The following SLC39A11 variants were observed in gnomAD, a reference collection of about 807,000 sequenced individuals.
The protein encoded by SLC39A11 is zinc transporter ZIP11.
Under a neutral mutation model 36.1 loss-of-function variants are expected in SLC39A11, and 33 were observed. The ratio of observed to expected loss-of-function variants is 0.91; its 90% CI spans 0.69 to 1.22. The LOEUF is 1.22. Ranked by LOEUF, SLC39A11 falls within the 50% of genes most tolerant of loss-of-function variation. The probability of loss-of-function intolerance (pLI) is 0.00; values close to 1 mark genes in which losing one functional copy is unlikely to be tolerated. For synonymous variants in SLC39A11, 166 were observed against 170.3 expected, an observed-to-expected ratio of 0.97 and a Z score of 0.20; for missense variants, 432 against 430.3, an observed-to-expected ratio of 1.00 and a Z score of -0.03.
At chr17:72,931,296 A>C (rs1052937295) in intron 5 of SLC39A11, among the ~76,000 whole-genome samples, 1 of 152,214 alleles carries the variant, frequency 6.6e-6, no homozygotes, top group Non-Finnish European at 1.5e-5. Flanking sequence ...GTCGAGAAGT[A>C]CTGGTGGACT....
chr17:72,716,084 C>G (rs942243021), intron 7 of SLC39A11, among the ~76,000 whole-genome samples: 31 of 152,134 alleles, frequency 2.0e-4, no homozygotes, highest in African/African-American at 7.5e-4. Context: ...TCGTTCTCCT[C>G]GCACCCTCCC....
At chr17:72,960,479 A>C (rs1342030276) in intron 4 of SLC39A11, among the ~76,000 whole-genome samples, 2 of 151,972 alleles carry the variant, frequency 1.3e-5, no homozygotes, top group Non-Finnish European at 2.9e-5. Context: ...AAAAACCAAG[A>C]AGGTAATTTT....
At chr17:72,824,658 G>T (rs2077938181) in intron 6 of SLC39A11, among the ~76,000 whole-genome samples, 1 of 151,326 alleles carries the variant, frequency 6.6e-6, no homozygotes, top group Non-Finnish European at 1.5e-5. Flanking sequence ...GGACAATGAA[G>T]TCCAGGCTGA....
intron 4 of SLC39A11, among the ~76,000 whole-genome samples, chr17:72,954,986 C>T (rs545216610): frequency 2.2e-4 from 33 of 152,290 alleles, no homozygotes; most frequent in African/African-American, 6.0e-4. Context: ...AGGAGGATGA[C>T]GGTTTAAGTA....
intron 5 of SLC39A11, among the ~76,000 whole-genome samples, chr17:72,910,024 T>A (rs1483926675): frequency 3.3e-5 from 5 of 152,140 alleles, no homozygotes; most frequent in African/African-American, 1.2e-4. Flanking sequence ...AGTGTTGGGA[T>A]TACAGGTGTG....
chr17:73,044,710 C>CA (rs558319129), intron 3 of SLC39A11, among the ~76,000 whole-genome samples: 169 of 151,912 alleles, frequency 1.1e-3, no homozygotes, highest in African/African-American at 3.4e-3. Context: ...CTCACCTCTA[C>CA]AAAAAATACA....
chr17:72,871,946 C>T (rs1598209810), intron 5 of SLC39A11, among the ~76,000 whole-genome samples: 1 of 152,148 alleles, frequency 6.6e-6, no homozygotes, highest in South Asian at 2.1e-4. Flanking sequence ...TCTCCAGGTA[C>T]ACAGTGGCAG....
intron 4 of SLC39A11, among the ~76,000 whole-genome samples, chr17:73,011,644 C>T (rs2090522128): frequency 1.4e-5 from 2 of 144,756 alleles, no homozygotes; most frequent in African/African-American, 4.9e-5. Context: ...TTAATTGTAC[C>T]TCTGGTTTTC....
rs112360074 is a variant in SLC39A11 at position 72,692,014 on chromosome 17, A to ATT, written c.672-42748_672-42747dup. 4.1e-3 allele frequency among the ~76,000 whole-genome samples: 586 copies of ATT among 144,620 alleles called. 1 individual carries two copies. Among genetic ancestry groups the ATT allele is most frequent in the African/African-American group, 0.011 (448 of 39,246 alleles). 94.9% of individuals were successfully genotyped at this position (144,620 alleles called of 152,430 possible). A position where few individuals can be genotyped will look rare whatever the true frequency, so the allele number is the denominator to read the frequency against. ...TCCCCCACCTACCTCAAAGTAGTGG[A>ATT]TTTTTTTTTTTTTTGAGGCGGAGTC... On this transcript the variant is annotated intron_variant, in intron 7 of 9. Coordinates refer to ENST00000255559, the MANE Select transcript of SLC39A11 (RefSeq NM_139177.4).
chr17:72,656,228 TG>T (rs1280395693), intron 7 of SLC39A11, among the ~76,000 whole-genome samples: 1 of 152,188 alleles, frequency 6.6e-6, no homozygotes, highest in African/African-American at 2.4e-5. Flanking sequence ...TGCTGTCTTC[TG>T]GGTTCTGTTC....
intron 6 of SLC39A11, among the ~76,000 whole-genome samples, chr17:72,780,516 A>T (rs530386627): frequency 4.9e-5 from 1 of 20,260 alleles, no homozygotes; most frequent in Non-Finnish European, 1.1e-4. Context: ...AAGGGCCCTG[A>T]AGATGGGGGG....
chr17:72,692,346 A>G (rs564922182), intron 7 of SLC39A11, among the ~76,000 whole-genome samples: 2 of 152,314 alleles, frequency 1.3e-5, no homozygotes, highest in Non-Finnish European at 1.5e-5. Context: ...CTCAAATCCT[A>G]CAATGATGAG....
In SLC39A11 at chr17:72,914,320, G is replaced by GGA. The variant is rs1555629381; in HGVS notation, c.430+33431_430+33432insTC. ...GACAGAGCGAGACTCCATCTCGGGG[G>GGA]AAAAAAAAAAGAAAAAAGAATACAA... On this transcript the variant is annotated intron_variant, in intron 5 of 9. Coordinates refer to ENST00000255559, the MANE Select transcript of SLC39A11 (RefSeq NM_139177.4). Among the ~76,000 whole-genome samples, 196 of 141,488 alleles carry GGA rather than the reference G, an allele frequency of 1.4e-3. No individual in the cohort carries two copies. The East Asian group carries it at 0.023, about 17-fold the overall frequency. 92.8% of individuals were successfully genotyped at this position (141,488 alleles called of 152,430 possible).
intron 7 of SLC39A11, among the ~76,000 whole-genome samples, chr17:72,661,545 T>A (rs931170338): frequency 1.3e-5 from 2 of 152,188 alleles, no homozygotes; most frequent in African/African-American, 4.8e-5. Flanking sequence ...CCTTACATAC[T>A]GTTTTGATTG....
At chr17:72,917,957 G>C (rs2083427028) in intron 5 of SLC39A11, among the ~76,000 whole-genome samples, 1 of 152,212 alleles carries the variant, frequency 6.6e-6, no homozygotes, top group Non-Finnish European at 1.5e-5. Context: ...TGAAACTAAT[G>C]GGATCCAAAG....
chr17:72,889,248 C>G (rs568463839), intron 5 of SLC39A11, among the ~76,000 whole-genome samples: 23 of 152,134 alleles, frequency 1.5e-4, no homozygotes, highest in Non-Finnish European at 2.6e-4. Context: ...GATGCAGTGG[C>G]TCACGCCTGT....
intron 4 of SLC39A11, among the ~76,000 whole-genome samples, chr17:72,994,827 T>C (rs2089407129): frequency 6.6e-6 from 1 of 152,226 alleles, no homozygotes; most frequent in African/African-American, 2.4e-5. Context: ...GGGTTCTTGA[T>C]GCTTTTAGCT....
intron 7 of SLC39A11, among the ~76,000 whole-genome samples, chr17:72,708,174 G>A (rs1362749663): frequency 6.6e-6 from 1 of 152,190 alleles, no homozygotes; most frequent in Non-Finnish European, 1.5e-5. Context: ...GCCAGGAGGT[G>A]CCCAGATATT....
intron 7 of SLC39A11, among the ~76,000 whole-genome samples, chr17:72,674,875 A>G (rs2071184813): frequency 6.6e-6 from 1 of 152,102 alleles, no homozygotes; most frequent in Admixed American, 6.5e-5. Context: ...TCTTTCCCCC[A>G]ATTTTTCTAT....
Sources: allele counts gnomAD v4.1 joint callset (sites outside exome capture counted in the v4.1 genomes callset), GRCh38; gene constraint gnomAD v4.1.1; transcripts MANE v1.5; gene names NCBI Gene and HGNC (gene_info 2026-07-23, HGNC 2026-07-21).